Variants in ALAS1 observed in about 807,000 individuals in gnomAD.
The protein encoded by ALAS1 is 5-aminolevulinate synthase, non-specific, mitochondrial.
ALAS1 carries 29 observed loss-of-function variants against 59.6 expected under a neutral mutation model. That is an observed-to-expected ratio of 0.49 (90% CI 0.36 to 0.66). ALAS1 has a LOEUF of 0.66. ALAS1 is among the 30% of genes least tolerant of loss of function. The pLI, the probability that ALAS1 is intolerant of heterozygous loss-of-function variation, is 0.00. For synonymous variants in ALAS1, 299 were observed against 296.6 expected, an observed-to-expected ratio of 1.01 and a Z score of -0.08; for missense variants, 690 against 807.5, an observed-to-expected ratio of 0.85 and a Z score of 1.76.
Position 52,208,103 on chromosome 3 carries a change from G to A in ALAS1, c.1186G>A (p.Glu396Lys). The change falls in exon 9 of 12, where the codon GAG becomes AAG. Residue 396 changes from glutamate to lysine, a missense_variant. By Grantham distance (56) the Glu-to-Lys change is moderately conservative. Transcript: ENST00000484952. ...SMDGAVCPLE[E>K]LCDVAHEFGA... The stretch of plus-strand genomic sequence containing the variant: ...CTCAGGGGCGGTGTGCCCACTGGAA[G>A]AGCTGTGTGATGTGGCCCATGAGTT... The A allele has an allele frequency of 6.3e-7, 1 of 1,591,214 alleles. No individual in the cohort carries two copies. Among genetic ancestry groups the A allele is most frequent in the Non-Finnish European group, 8.6e-7 (1 of 1,169,168 alleles).
At chr3:52,198,929 C>A in intron 2 of ALAS1, 81 bp downstream of exon 2, 1 of 1,440,594 alleles carries the variant, frequency 6.9e-7, no homozygotes, top group Non-Finnish European at 9.4e-7. Context: ...ACCTTTCCCT[C>A]ATCCTTCCGC....
intron 3 of ALAS1, among the ~76,000 whole-genome samples, chr3:52,201,261 G>A (rs111428372): frequency 5.3e-5 from 8 of 152,310 alleles, no homozygotes; most frequent in African/African-American, 1.4e-4. Context: ...ACCAGCCAAC[G>A]GTGTTTAGTC....
At chr3:52,209,206 C>CT (rs200675050) in intron 9 of ALAS1, among the ~76,000 whole-genome samples, 123 of 152,042 alleles carry the variant, frequency 8.1e-4, no homozygotes, top group Middle Eastern at 3.4e-3. Context: ...AAGCTCTTTT[C>CT]TTTTTTTTCT....
At chr3:52,204,548 C>A in intron 5 of ALAS1, 145 bp from the exon 6 acceptor site, 1 of 675,916 alleles carries the variant, frequency 1.5e-6, no homozygotes, top group Non-Finnish European at 2.5e-6. Flanking sequence ...ACACGACATA[C>A]AGTCTTATTT....
chr3:52,198,443 C>G (rs1189426167), intron 1 of ALAS1, among the ~76,000 whole-genome samples, 188 bp downstream of exon 1: 3 of 152,232 alleles, frequency 2.0e-5, no homozygotes, highest in African/African-American at 7.2e-5. Context: ...CCTTTCGGCC[C>G]CTTCCGGCTA....
Position 52,206,562 on chromosome 3 carries a change from G to C in ALAS1, c.986-10G>C, listed in dbSNP as rs1699294945. The C allele has an allele frequency of 1.2e-6, 2 of 1,607,340 alleles. No individual in the cohort carries two copies. Among genetic ancestry groups the C allele is most frequent in the East Asian group, 4.5e-5 (2 of 44,728 alleles). ...GCACATGGCAATAAATAGCATTTTTGTTGTCTTAGGCTGTGAGATTTACTC... is the reference window on the plus strand; with the variant it reads ...GCACATGGCAATAAATAGCATTTTTCTTGTCTTAGGCTGTGAGATTTACTC... On this transcript the variant is annotated splice_polypyrimidine_tract_variant and intron_variant, in intron 7 of 11. Coordinates refer to ENST00000484952, the MANE Select transcript of ALAS1 (RefSeq NM_000688.6).
At position 52,206,565 on chromosome 3, in the gene ALAS1, G is replaced by A. The variant is rs1394244453; in HGVS notation, c.986-7G>A. The A allele has an allele frequency of 6.2e-7, 1 of 1,613,540 alleles. No individual in the cohort carries two copies. Among genetic ancestry groups the A allele is most frequent in the Non-Finnish European group, 8.5e-7 (1 of 1,179,664 alleles). On this transcript the variant is annotated splice_polypyrimidine_tract_variant and splice_region_variant and intron_variant, in intron 7 of 11. Transcript: ENST00000484952. ...CATGGCAATAAATAGCATTTTTGTT[G>A]TCTTAGGCTGTGAGATTTACTCTGA...
intron 9 of ALAS1, 26 bp downstream of exon 9, chr3:52,208,273 C>A: frequency 1.2e-6 from 2 of 1,610,150 alleles, no homozygotes; most frequent in Non-Finnish European, 1.7e-6. Context: ...ATTACATACA[C>A]TAAAATTCCA....
intron 8 of ALAS1, 82 bp downstream of exon 8, chr3:52,206,833 T>G: frequency 1.4e-6 from 2 of 1,465,700 alleles, no homozygotes; most frequent in Non-Finnish European, 1.8e-6. Context: ...TTTTGTTGTG[T>G]TTTTTAATTT....
Position 52,202,560 on chromosome 3 carries a change from A to T in ALAS1, c.253A>T (p.Ser85Cys), listed in dbSNP as rs1351019012. The change falls in exon 4 of 12, where the codon AGT becomes TGT. Residue 85 changes from serine to cysteine, a missense_variant. By Grantham distance (112) the Ser-to-Cys change is moderately radical. Coordinates refer to ENST00000484952, the MANE Select transcript of ALAS1 (RefSeq NM_000688.6). ...VQQTPDGSQQ[S>C]PDGTQLPSGH... is the part of the protein sequence containing the mutation. ...ACAGACTCCTGATGGATCCCAGCAGAGTCCAGATGGCACACAGCTTCCGTC... is the reference window on the plus strand; with the variant it reads ...ACAGACTCCTGATGGATCCCAGCAGTGTCCAGATGGCACACAGCTTCCGTC... 6.2e-7 allele frequency: 1 copy of T among 1,614,220 alleles called. No individual in the cohort carries two copies. The highest frequency in any genetic ancestry group is 2.2e-5 in the East Asian group (1 of 44,884).
intron 3 of ALAS1, among the ~76,000 whole-genome samples, chr3:52,200,273 CT>C (rs1198573678): frequency 6.6e-6 from 1 of 152,106 alleles, no homozygotes; most frequent in Admixed American, 6.6e-5. Context: ...ATCTCCAGAA[CT>C]TTTTTCATCT....
At position 52,203,500 on chromosome 3, in the gene ALAS1, C is replaced by T. The variant is rs375063752; in HGVS notation, c.428-363C>T. 3.3e-5 allele frequency among the ~76,000 whole-genome samples: 5 copies of T among 151,554 alleles called. No homozygotes were observed. In the East Asian group the frequency reaches 9.7e-4, roughly 29 times the overall value. On this transcript the variant is annotated intron_variant, in intron 4 of 11. Transcript: ENST00000484952. Reference sequence around the variant, plus strand: ...AGGTTGCAATGAGTCGAGATCGTGCCACTGCTCTCCAGCCTGGGTGACAGA... The same window carrying T: ...AGGTTGCAATGAGTCGAGATCGTGCTACTGCTCTCCAGCCTGGGTGACAGA...
At position 52,203,080 on chromosome 3, in the gene ALAS1, G is replaced by A. The variant is rs142009485; in HGVS notation, c.427+346G>A. ...GAAAATAATGGTTTTACTGCAGTAA[G>A]TGCTGGTCCTAGGGCTCCCAAGCCG... On this transcript the variant is annotated intron_variant, in intron 4 of 11. Transcript: ENST00000484952. Among the ~76,000 whole-genome samples, 836 of 152,294 alleles carry A rather than the reference G, an allele frequency of 5.5e-3. 24 individuals carry two copies. The highest frequency in any genetic ancestry group is 0.044 in the Admixed American group (676 of 15,296).
chr3:52,211,272 T>C lies in ALAS1; in HGVS notation c.1331-11T>C, dbSNP rs754983866. ...GCTGTTGCTGTAATTAATGAAGCTA[T>C]CTCCTCCCAGGCAAAGCCTTTGGTT... is the stretch of plus-strand genomic sequence containing the variant. On this transcript the variant is annotated splice_polypyrimidine_tract_variant and intron_variant, in intron 9 of 11. Coordinates refer to ENST00000484952, the MANE Select transcript of ALAS1 (RefSeq NM_000688.6). The C allele has an allele frequency of 5.6e-6, 9 of 1,610,000 alleles. No homozygotes were observed. Among genetic ancestry groups the C allele is most frequent in the African/African-American group, 1.3e-5 (1 of 74,858 alleles).
chr3:52,206,954 C>A (rs1289573784), intron 8 of ALAS1, among the ~76,000 whole-genome samples: 2 of 151,998 alleles, frequency 1.3e-5, no homozygotes, highest in Non-Finnish European at 1.5e-5. Flanking sequence ...CCTGCCTCAG[C>A]CTCCCGAGTA....
At position 52,206,616 on chromosome 3, in the gene ALAS1, C is replaced by A; in HGVS notation, c.1030C>A (p.Gln344Lys). The change falls in exon 8 of 12, where the codon CAA (glutamine) becomes AAA (lysine). Residue 344 changes from glutamine to lysine, a missense_variant. Gln to Lys is a moderately conservative substitution (Grantham distance 53, BLOSUM62 1). Coordinates refer to ENST00000484952, the MANE Select transcript of ALAS1 (RefSeq NM_000688.6). ...TTCTGGGAACCATGCCTCCATGATC[C>A]AAGGGATTCGAAACAGCCGAGTGCC... ...SDSGNHASMI[Q>K]GIRNSRVPKY... The A allele has an allele frequency of 6.2e-7, 1 of 1,614,130 alleles. No individual in the cohort carries two copies. Among genetic ancestry groups the A allele is most frequent in the East Asian group, 2.2e-5 (1 of 44,878 alleles).
intron 9 of ALAS1, among the ~76,000 whole-genome samples, chr3:52,208,625 T>G (rs757648613): frequency 6.6e-6 from 1 of 152,222 alleles, no homozygotes; most frequent in African/African-American, 2.4e-5. Flanking sequence ...TGTTGTGAAG[T>G]GCTGAACTCC....
chr3:52,210,410 G>A (rs1483619601), intron 9 of ALAS1, among the ~76,000 whole-genome samples: 1 of 152,168 alleles, frequency 6.6e-6, no homozygotes, highest in African/African-American at 2.4e-5. Flanking sequence ...TTTGATCCTG[G>A]TTAGACACCA....
intron 3 of ALAS1, among the ~76,000 whole-genome samples, chr3:52,199,938 C>T (rs1699154345): frequency 2.0e-5 from 3 of 152,188 alleles, no homozygotes; most frequent in Non-Finnish European, 4.4e-5. Context: ...TCTCCTGCCT[C>T]AGCCTTCCAA....
Sources: gnomAD v4.1 joint callset for allele counts (sites outside exome capture counted in the v4.1 genomes callset) on GRCh38, gnomAD v4.1.1 for gene constraint, MANE v1.5 for transcripts, NCBI Gene and HGNC (gene_info 2026-07-23, HGNC 2026-07-21) for gene names.